The following KAT6A variants were observed in gnomAD, a reference collection of about 807,000 sequenced individuals.
The protein encoded by KAT6A is lysine acetyltransferase 6A.
KAT6A carries 9 observed loss-of-function variants against 198.4 expected under a neutral mutation model. That is an observed-to-expected ratio of 0.05 (90% CI 0.03 to 0.08). The LOEUF is 0.08. KAT6A is among the 10% of genes least tolerant of loss of function. The pLI, the probability that KAT6A is intolerant of heterozygous loss-of-function variation, is 1.00. For missense variants in KAT6A, 2,077 were observed against 2,509.9 expected, an observed-to-expected ratio of 0.83 and a Z score of 3.69; for synonymous variants, 890 against 883.0, an observed-to-expected ratio of 1.01 and a Z score of -0.14.
At chr8:41,998,425 C>T (rs570950711) in intron 2 of KAT6A, among the ~76,000 whole-genome samples, 6 of 152,086 alleles carry the variant, frequency 3.9e-5, no homozygotes, top group Non-Finnish European at 8.8e-5. Flanking sequence ...CAGGCAAGCT[C>T]TTCATGTCAA....
rs926626938 is a variant in KAT6A, at chr8:42,049,270, C to T, written c.-293G>A. Reference sequence around the variant, plus strand: ...TAAGAACTCAAGAATATTTCATTCCCGGCTCCAGAGCAGAAAAATGTGCAT... The same window carrying T: ...TAAGAACTCAAGAATATTTCATTCCTGGCTCCAGAGCAGAAAAATGTGCAT... On this transcript the variant is annotated 5_prime_UTR_variant, in exon 2 of 17. Coordinates refer to ENST00000265713, the MANE Select transcript of KAT6A (RefSeq NM_006766.5). 5 of 354,186 alleles carry T rather than the reference C, an allele frequency of 1.4e-5. No individual in the cohort carries two copies. Among genetic ancestry groups the T allele is most frequent in the East Asian group, 8.4e-5 (2 of 23,724 alleles). 21.9% of individuals were successfully genotyped at this position (354,186 alleles called of 1,614,324 possible). A position where few individuals can be genotyped will look rare whatever the true frequency, so the allele number is the denominator to read the frequency against.
intron 2 of KAT6A, among the ~76,000 whole-genome samples, chr8:42,017,552 T>TG (rs762839710): frequency 3.3e-5 from 5 of 151,676 alleles, no homozygotes; most frequent in African/African-American, 9.7e-5. Context: ...TTTGTTGGGG[T>TG]GGGGGGATCT....
intron 2 of KAT6A, among the ~76,000 whole-genome samples, chr8:42,007,122 T>C (rs1349348602): frequency 6.6e-6 from 1 of 150,970 alleles, no homozygotes; most frequent in Non-Finnish European, 1.5e-5. Context: ...AAGAAACAAA[T>C]AGGAAATACC....
intron 3 of KAT6A, among the ~76,000 whole-genome samples, chr8:41,985,607 C>T (rs1391389918): frequency 1.3e-5 from 2 of 152,218 alleles, no homozygotes; most frequent in South Asian, 2.1e-4. Context: ...AACTACAGAG[C>T]GCAACTGTTG....
At position 41,937,509 on chromosome 8, in the gene KAT6A, T is replaced by C. The variant is rs1587714263; in HGVS notation, c.3099A>G (p.Val1033=). The change falls in exon 16 of 17, where the codon GTA becomes GTG. Residue 1033 remains valine, a synonymous_variant. Transcript: ENST00000265713. ...TGGTCTCAGAAATAGTTTCTGTGAC[T>C]ACACTGCTATTGTGGTGTTTGCGCT... ...VRKRKHHNSS[V]VTETISETTE... is the part of the protein sequence containing the mutation. 6.2e-7 allele frequency: 1 copy of C among 1,614,150 alleles called. No individual in the cohort carries two copies. Among genetic ancestry groups the C allele is most frequent in the Non-Finnish European group, 8.5e-7 (1 of 1,179,954 alleles).
At position 41,930,838 on chromosome 8, in the gene KAT6A, T is replaced by C. The variant is rs1821507028; in HGVS notation, c.*1367A>G. 5.0e-6 allele frequency: 1 copy of C among 198,868 alleles called. No individual in the cohort carries two copies. Among genetic ancestry groups the C allele is most frequent in the Non-Finnish European group, 1.0e-5 (1 of 97,886 alleles). The allele number at this position is 198,868 out of a possible 1,614,324, so 12.3% of individuals were successfully genotyped here. A position where few individuals can be genotyped will look rare whatever the true frequency, so the allele number is the denominator to read the frequency against. On this transcript the variant is annotated 3_prime_UTR_variant, in exon 17 of 17. Transcript: ENST00000265713. ...AGAGAATGGAGTTGGGAGCAACACA[T>C]GAACTTGCGTTATAACATTCTGCTG...
chr8:42,045,601 G>C (rs2150930870), intron 2 of KAT6A, among the ~76,000 whole-genome samples: 1 of 149,180 alleles, frequency 6.7e-6, no homozygotes, highest in African/African-American at 2.5e-5. Flanking sequence ...ATATATGAAA[G>C]CTATGTAAGC....
At chr8:42,043,537 C>T (rs528035169) in intron 2 of KAT6A, 1 of 152,168 alleles carries the variant, frequency 6.6e-6, no homozygotes, top group Non-Finnish European at 1.5e-5. Context: ...TAGATTACTC[C>T]TAATCTTTGG....
Position 42,044,701 on chromosome 8 carries a change from G to T in KAT6A, c.600+3677C>A, listed in dbSNP as rs537702209. On this transcript the variant is annotated intron_variant, in intron 2 of 16. Coordinates refer to ENST00000265713, the MANE Select transcript of KAT6A (RefSeq NM_006766.5). Reference sequence around the variant, plus strand: ...TCATCTTCACCTTACAGTTGGCCAGGTCAATAGAAATACCTGCATTAGCAT... The same window carrying T: ...TCATCTTCACCTTACAGTTGGCCAGTTCAATAGAAATACCTGCATTAGCAT... Among the ~76,000 whole-genome samples, 5 of 152,270 alleles carry T rather than the reference G, an allele frequency of 3.3e-5. No homozygotes were observed. In the East Asian group the frequency reaches 7.7e-4, roughly 24 times the overall value.
intron 2 of KAT6A, among the ~76,000 whole-genome samples, chr8:42,012,557 G>C (rs1826074065): frequency 6.6e-6 from 1 of 152,278 alleles, no homozygotes; most frequent in African/African-American, 2.4e-5. Context: ...GAAATGCCAA[G>C]AGCCACCAGA....
intron 2 of KAT6A, among the ~76,000 whole-genome samples, chr8:42,020,537 C>A (rs1476704111): frequency 6.6e-6 from 1 of 152,108 alleles, no homozygotes; most frequent in Non-Finnish European, 1.5e-5. Context: ...GACTATCTAC[C>A]CAGCATCCCT....
chr8:41,977,224 A>G lies in KAT6A; in HGVS notation c.1147T>C (p.Tyr383His), dbSNP rs746747755. The stretch of plus-strand genomic sequence containing the variant: ...TCCAAGCCATCTATCCGCTCTAAAT[A>G]TCCTTCTTCTGATGATGATGATGCT... ...QSASSSSEEGYLERIDGLDFC... is the reference protein window; with the variant it reads ...QSASSSSEEGHLERIDGLDFC... Residue 383 changes from tyrosine to histidine, a missense_variant, in exon 7 of 17, where the codon TAT becomes CAT. By Grantham distance (83) the Tyr-to-His change is moderately conservative (BLOSUM62 2). This residue lies in a region of KAT6A where 206 missense variants were observed against 214.9 expected (regional missense o/e 0.96). Transcript: ENST00000265713. The G allele has an allele frequency of 6.2e-7, 1 of 1,614,178 alleles. No homozygotes were observed. Among genetic ancestry groups the G allele is most frequent in the South Asian group, 1.1e-5 (1 of 91,088 alleles).
chr8:41,977,825 T>TTAA lies in KAT6A; in HGVS notation c.1044-501_1044-499dup, dbSNP rs748744822. Among the ~76,000 whole-genome samples, 46 of 152,288 alleles carry TTAA rather than the reference T, an allele frequency of 3.0e-4. 2 individuals carry two copies. The highest frequency in any genetic ancestry group is 5.9e-4 in the Non-Finnish European group (40 of 68,018). ...TTTTATAGGAAAATCAAAGCTTGAT[T>TTAA]TAAGATTTTGAATATAGACTACAAT... On this transcript the variant is annotated intron_variant, in intron 6 of 16. Coordinates refer to ENST00000265713, the MANE Select transcript of KAT6A (RefSeq NM_006766.5).
intron 10 of KAT6A, among the ~76,000 whole-genome samples, chr8:41,948,936 T>G (rs975465708): frequency 1.4e-5 from 2 of 146,852 alleles, no homozygotes; most frequent in Non-Finnish European, 3.0e-5. Context: ...CATCAAGATT[T>G]ACTATTAAAC....
rs566070332 is a variant in KAT6A at position 41,969,059 on chromosome 8, A to G, written c.1482+5645T>C. ...GACTATAAGCTCTAAGAGAACAGAA[A>G]CTATGTCCTTCTGATAGCCCCTCCC... On this transcript the variant is annotated intron_variant, in intron 8 of 16. Transcript: ENST00000265713. Among the ~76,000 whole-genome samples the G allele has an allele frequency of 2.6e-5, 4 of 152,304 alleles. No individual in the cohort carries two copies. In the East Asian group the frequency reaches 7.7e-4, roughly 29 times the overall value.
intron 1 of KAT6A, among the ~76,000 whole-genome samples, chr8:42,051,491 G>A (rs1265906897): frequency 6.8e-6 from 1 of 146,820 alleles, no homozygotes; most frequent in South Asian, 2.1e-4. Flanking sequence ...CGGCGGGCGG[G>A]TGGGCGCGCC....
chr8:42,049,202 G>A lies in KAT6A; in HGVS notation c.-225C>T. On this transcript the variant is annotated 5_prime_UTR_variant, in exon 2 of 17. Transcript: ENST00000265713. Reference sequence around the variant, plus strand: ...TTGAAATGTCTTCCAACTTCCCAATGAATTTCTCAATAGCACCACACATGG... The same window carrying A: ...TTGAAATGTCTTCCAACTTCCCAATAAATTTCTCAATAGCACCACACATGG... 2.0e-6 allele frequency: 1 copy of A among 507,576 alleles called. No homozygotes were observed. 31.4% of individuals were successfully genotyped at this position (507,576 alleles called of 1,614,324 possible).
intron 8 of KAT6A, among the ~76,000 whole-genome samples, chr8:41,968,585 G>C (rs1823625770): frequency 1.3e-5 from 2 of 152,188 alleles, no homozygotes; most frequent in African/African-American, 4.8e-5. Context: ...CAGGGATCTA[G>C]AGCTAGAAAT....
chr8:41,949,876 TG>T (rs1318914547), intron 9 of KAT6A, among the ~76,000 whole-genome samples: 1 of 152,202 alleles, frequency 6.6e-6, no homozygotes, highest in Non-Finnish European at 1.5e-5. Context: ...CCAACTTTCC[TG>T]GGGGACTCAC....
Sources: allele counts gnomAD v4.1 joint callset (sites outside exome capture counted in the v4.1 genomes callset), GRCh38; gene constraint gnomAD v4.1.1; regional missense constraint gnomAD v4.1.1; transcripts MANE v1.5; gene names NCBI Gene and HGNC (gene_info 2026-07-23, HGNC 2026-07-21).